HTT: variants seen among roughly 807,000 people sequenced by gnomAD.
HTT encodes the protein huntingtin.
In HTT, 104 loss-of-function variants were observed where a neutral mutation model predicts 362.3. The observed-to-expected ratio is 0.29, with a 90% CI of 0.24 to 0.34. The LOEUF (loss-of-function observed/expected upper bound fraction) is 0.34, where lower values mean the gene tolerates loss of function less well. HTT is among the 10% of genes least tolerant of loss of function. HTT has a pLI of 1.00. For missense variants in HTT, 3,301 were observed against 3,928.6 expected (o/e 0.84, Z 4.27); for synonymous variants, 1,577 against 1,548.7 (o/e 1.02, Z -0.43).
intron 29 of HTT, among the ~76,000 whole-genome samples, chr4:3,164,392 T>C (rs1346420107): frequency 6.6e-6 from 1 of 152,194 alleles, no homozygotes; most frequent in Admixed American, 6.5e-5. Flanking sequence ...CTGAGAAGAA[T>C]GTATGTTCTG....
chr4:3,238,730 G>GCCCCCCCCCCCCCCCCCCCCCCC, intron 65 of HTT, 88 bp from the exon 66 acceptor site: 2 of 1,097,016 alleles, frequency 1.8e-6, no homozygotes, highest in Non-Finnish European at 2.7e-6. Context: ...AATGCCTCTG[G>GCCCCCCCCCCCCCCCCCCCCCCC]CCCCCACCCC....
intron 57 of HTT, among the ~76,000 whole-genome samples, chr4:3,227,118 C>G (rs1720959847): frequency 6.6e-6 from 1 of 152,238 alleles, no homozygotes; most frequent in South Asian, 2.1e-4. Context: ...TCCCCCCAAC[C>G]CCGCTGCATT....
chr4:3,208,704 A>C, intron 45 of HTT, 69 bp from the exon 46 acceptor site: 1 of 1,398,382 alleles, frequency 7.2e-7, no homozygotes, highest in Non-Finnish European at 9.6e-7. Context: ...TAGTGTGCAG[A>C]GTTTAGACTA....
chr4:3,225,671 C>T lies in HTT; in HGVS notation c.7776C>T (p.Ile2592=). ...TGCTGGTGTTCACAGGTGCCCTCATCAGCCACGAGAAGCTGCTGCTACAGA... is the reference window on the plus strand; with the variant it reads ...TGCTGGTGTTCACAGGTGCCCTCATTAGCCACGAGAAGCTGCTGCTACAGA... ...SLSPATTGAL[I]SHEKLLLQIN... The change falls in exon 57 of 67, where the codon ATC becomes ATT. Residue 2592 remains isoleucine, a synonymous_variant. Coordinates refer to ENST00000355072, the MANE Select transcript of HTT (RefSeq NM_001388492.1). 1.2e-6 allele frequency: 2 copies of T among 1,614,058 alleles called. No individual in the cohort carries two copies. The highest frequency in any genetic ancestry group is 2.2e-5 in the South Asian group (2 of 91,086).
rs773152506 is a variant in HTT, at chr4:3,132,565, A to T, written c.2240A>T (p.Glu747Val). Residue 747 changes from glutamate to valine, a missense_variant, in exon 17 of 67, where the codon GAA becomes GTA. Physicochemically the swap from Glu to Val is moderately radical, Grantham distance 121. Transcript: ENST00000355072. Reference protein sequence around the residue: ...VPLDTTEYPEEQYVSDILNYI... With the variant: ...VPLDTTEYPEVQYVSDILNYI... ...GCTGAGCAATTTATCTCCACAGAGGAACAGTATGTCTCAGACATCTTGAAC... is the reference window on the plus strand; with the variant it reads ...GCTGAGCAATTTATCTCCACAGAGGTACAGTATGTCTCAGACATCTTGAAC... 6.2e-7 allele frequency: 1 copy of T among 1,613,744 alleles called. No homozygotes were observed. Among genetic ancestry groups the T allele is most frequent in the South Asian group, 1.1e-5 (1 of 91,058 alleles).
In HTT at chr4:3,207,350, G is replaced by T. The variant is rs758246791; in HGVS notation, c.6145G>T (p.Ala2049Ser). 2 of 1,611,742 alleles carry T rather than the reference G, an allele frequency of 1.2e-6. No homozygotes were observed. The highest frequency in any genetic ancestry group is 1.1e-5 in the South Asian group (1 of 90,628). The change falls in exon 45 of 67, where the codon GCT (alanine) becomes TCT (serine). Residue 2049 changes from alanine (A) to serine (S), a missense_variant. Physicochemically the swap from Ala to Ser is moderately conservative, Grantham distance 99 (BLOSUM62 1). This residue lies in a region of HTT where 2,316 missense variants were observed against 2,658.5 expected (regional missense o/e 0.87). Transcript: ENST00000355072. Reference sequence around the variant, plus strand: ...GGAATACCTTCAGAGCAGCGGGCTCGCTCAGAGGTAATGCTGGAAACACAG... The same window carrying T: ...GGAATACCTTCAGAGCAGCGGGCTCTCTCAGAGGTAATGCTGGAAACACAG... Reference protein sequence around the residue: ...IQEYLQSSGLAQRHQRLYSLL... With the variant: ...IQEYLQSSGLSQRHQRLYSLL...
At chr4:3,138,844 C>T (rs921545960) in intron 21 of HTT, among the ~76,000 whole-genome samples, 8 of 152,214 alleles carry the variant, frequency 5.3e-5, no homozygotes, top group Non-Finnish European at 2.9e-5. Context: ...AGCTCCTGAC[C>T]TCAAGTGATC....
At chr4:3,114,267 C>T (rs1714911775) in intron 6 of HTT, among the ~76,000 whole-genome samples, 1 of 152,230 alleles carries the variant, frequency 6.6e-6, no homozygotes, top group South Asian at 2.1e-4. Context: ...GTGTTCCTTG[C>T]CCTCATTCCT....
Position 3,224,301 on chromosome 4 carries a change from G to A in HTT, c.7765+170G>A, listed in dbSNP as rs2269479. ...TAAGCAGGAGTCTTAGTCAGGCCCAGGGAGGAAGTAAAATCTGGAAATGAA... is the reference window on the plus strand; with the variant it reads ...TAAGCAGGAGTCTTAGTCAGGCCCAAGGAGGAAGTAAAATCTGGAAATGAA... On this transcript the variant is annotated intron_variant, in intron 56 of 66. Coordinates refer to ENST00000355072, the MANE Select transcript of HTT (RefSeq NM_001388492.1). Among the ~76,000 whole-genome samples the A allele has an allele frequency of 6.8e-4, 103 of 152,312 alleles. No individual in the cohort carries two copies. The East Asian group carries it at 0.018, about 26-fold the overall frequency.
chr4:3,153,145 C>G (rs551952163), intron 26 of HTT, among the ~76,000 whole-genome samples: 2 of 152,190 alleles, frequency 1.3e-5, no homozygotes, highest in East Asian at 3.9e-4. Context: ...AGTCCAAGAT[C>G]CAGGACTTTC....
intron 2 of HTT, among the ~76,000 whole-genome samples, chr4:3,093,905 G>GTTTTTTTTTTTTT (rs67455911): frequency 1.5e-3 from 37 of 23,894 alleles, no homozygotes; most frequent in East Asian, 4.2e-3. Flanking sequence ...CTTTAAGTTG[G>GTTTTTTTTTTTTT]TTTTTTTTTT....
chr4:3,195,160 G>A (rs1339423502), intron 40 of HTT, among the ~76,000 whole-genome samples: 1 of 151,982 alleles, frequency 6.6e-6, no homozygotes, highest in Non-Finnish European at 1.5e-5. Flanking sequence ...GTGTGGCGTG[G>A]AGAAGAGATG....
In HTT at chr4:3,225,711, G is replaced by C. The variant is rs1720878600; in HGVS notation, c.7816G>C (p.Glu2606Gln). ...KLLLQINPER[E>Q]LGSMSYKLGQ... ...GCTGCTACAGATCAACCCCGAGCGG[G>C]AGCTGGGGAGCATGAGCTACAAACT... The change falls in exon 57 of 67, where the codon GAG becomes CAG. Residue 2606 changes from glutamate to glutamine, a missense_variant. Glu to Gln is a conservative substitution (Grantham distance 29, BLOSUM62 2). This residue lies in a region of HTT where 753 missense variants were observed against 1,021.3 expected (regional missense o/e 0.74). Coordinates refer to ENST00000355072, the MANE Select transcript of HTT (RefSeq NM_001388492.1). 1 of 1,614,116 alleles carries C rather than the reference G, an allele frequency of 6.2e-7. No homozygotes were observed.
chr4:3,213,694 T>C (rs574996405), intron 49 of HTT, among the ~76,000 whole-genome samples: 15 of 152,264 alleles, frequency 9.9e-5, no homozygotes, highest in South Asian at 2.1e-4. Context: ...CAGGAGAGAT[T>C]TCTACAGGAG....
intron 37 of HTT, among the ~76,000 whole-genome samples, chr4:3,183,056 A>G (rs940843521): frequency 1.3e-5 from 2 of 152,044 alleles, no homozygotes; most frequent in Non-Finnish European, 2.9e-5. Flanking sequence ...AGTTTTTTGT[A>G]TTTTTAGTAG....
chr4:3,205,338 T>A (rs1267037622), intron 42 of HTT, among the ~76,000 whole-genome samples: 1 of 152,166 alleles, frequency 6.6e-6, no homozygotes, highest in Non-Finnish European at 1.5e-5. Context: ...AAAACAGTGT[T>A]AAATATTCTG....
At chr4:3,097,993 A>C (rs1713948946) in intron 2 of HTT, among the ~76,000 whole-genome samples, 2 of 152,242 alleles carry the variant, frequency 1.3e-5, no homozygotes, top group Admixed American at 1.3e-4. Context: ...CTTCACATTA[A>C]TTACATGTTG....
Position 3,218,942 on chromosome 4 carries a change from T to G in HTT, c.7242+990T>G, listed in dbSNP as rs984021807. On this transcript the variant is annotated intron_variant, in intron 52 of 66. Coordinates refer to ENST00000355072, the MANE Select transcript of HTT (RefSeq NM_001388492.1). This position sits in a 1 kb window ranked among gnomAD's most constrained non-coding sequence, Gnocchi z 4.4. ...AAGGGTGCGTGCCTGCCTGTGTGTGTGTGTGCACGTGTGTGTATGTATGCT... is the reference window on the plus strand; with the variant it reads ...AAGGGTGCGTGCCTGCCTGTGTGTGGGTGTGCACGTGTGTGTATGTATGCT... 9.8e-5 allele frequency among the ~76,000 whole-genome samples: 15 copies of G among 152,290 alleles called. No homozygotes were observed. The South Asian group carries it at 1.0e-3, about 11-fold the overall frequency.
At chr4:3,109,068 T>A (rs79021362) in intron 6 of HTT, among the ~76,000 whole-genome samples, 6,801 of 70,808 alleles carry the variant, frequency 0.096, 214 homozygotes, top group African/African-American at 0.18. Context: ...AAAAAAAAAA[T>A]ATATATATAT....
Sources: allele counts gnomAD v4.1 joint callset (sites outside exome capture counted in the v4.1 genomes callset), GRCh38; gene constraint gnomAD v4.1.1; regional missense constraint gnomAD v4.1.1; non-coding constraint Gnocchi (gnomAD v3.1); transcripts MANE v1.5; gene names NCBI Gene and HGNC (gene_info 2026-07-23, HGNC 2026-07-21).